The following SPEF2 variants were observed in gnomAD, a reference collection of about 807,000 sequenced individuals.
SPEF2 encodes the protein sperm flagellar and cilia associated 2.
In SPEF2, 187 loss-of-function variants were observed where a neutral mutation model predicts 224.6. That is an observed-to-expected ratio of 0.83 (90% confidence interval 0.74 to 0.94). SPEF2 has a LOEUF of 0.94. SPEF2 is among the 40% of genes least tolerant of loss of function. SPEF2 has a pLI of 0.00. For synonymous variants in SPEF2, 715 were observed against 707.3 expected (o/e 1.01, Z -0.17); for missense variants, 2,170 against 2,135.6 (o/e 1.02, Z -0.32).
chr5:35,681,588 T>A (rs867006115), intron 10 of SPEF2, among the ~76,000 whole-genome samples: 1 of 152,204 alleles, frequency 6.6e-6, no homozygotes, highest in African/African-American at 2.4e-5. Flanking sequence ...GAAATTAATT[T>A]AGGTCACAAC....
At chr5:35,789,756 GA>G in intron 30 of SPEF2, 1 of 699,038 alleles carries the variant, frequency 1.4e-6, no homozygotes, top group Non-Finnish European at 2.6e-6. Flanking sequence ...TGGTCTGTGT[GA>G]GTTTCTTTTA....
chr5:35,723,766 C>G (rs1580454475), intron 20 of SPEF2, among the ~76,000 whole-genome samples: 1 of 152,146 alleles, frequency 6.6e-6, no homozygotes, highest in African/African-American at 2.4e-5. Flanking sequence ...TAAATTTTAA[C>G]AGGATTAATT....
At chr5:35,641,372 T>G (rs1056362016) in intron 2 of SPEF2, 59 bp from the exon 3 acceptor site, 3 of 1,514,918 alleles carry the variant, frequency 2.0e-6, no homozygotes, top group Non-Finnish European at 2.7e-6. Flanking sequence ...GTCTGATATT[T>G]GTTGTTTGTC....
chr5:35,726,878 G>A (rs1312883226), intron 20 of SPEF2, among the ~76,000 whole-genome samples: 1 of 152,168 alleles, frequency 6.6e-6, no homozygotes, highest in East Asian at 1.9e-4. Context: ...CCACTTAACA[G>A]ATCTAGATTC....
intron 23 of SPEF2, among the ~76,000 whole-genome samples, chr5:35,741,329 T>G (rs10069609): frequency 4.3e-4 from 66 of 152,164 alleles, no homozygotes; most frequent in South Asian, 1.2e-3. Context: ...ACAACAGAAG[T>G]GATTGGGTAA....
At position 35,814,521 on chromosome 5, in the gene SPEF2, T is replaced by C; in HGVS notation, c.5437T>C (p.Ser1813Pro). ...TGTACAAGGAAGTGATGGAGAGAGATCACCTTCAAGACATACAGAGGAAAA... is the reference window on the plus strand; with the variant it reads ...TGTACAAGGAAGTGATGGAGAGAGACCACCTTCAAGACATACAGAGGAAAA... ...EHVQGSDGERSPSRHTEEKK is the reference protein window; with the variant it reads ...EHVQGSDGERPPSRHTEEKK Residue 1813 changes from serine to proline, a missense_variant, in exon 37 of 37, where the codon TCA (serine) becomes CCA (proline). Coordinates refer to ENST00000356031, the MANE Select transcript of SPEF2 (RefSeq NM_024867.4). 1.2e-6 allele frequency: 2 copies of C among 1,608,954 alleles called. No homozygotes were observed. Among genetic ancestry groups the C allele is most frequent in the South Asian group, 2.2e-5 (2 of 90,286 alleles).
At chr5:35,757,304 G>A (rs6451214) in intron 24 of SPEF2, among the ~76,000 whole-genome samples, 136,124 of 152,000 alleles carry the variant, frequency 0.9, 61,339 homozygotes, top group South Asian at 0.99. Context: ...TCACTATAAT[G>A]AGGTAAGCCT....
At position 35,641,580 on chromosome 5, in the gene SPEF2, T is replaced by C. The variant is rs2149401848; in HGVS notation, c.311T>C (p.Leu104Pro). The change falls in exon 3 of 37, where the codon CTT becomes CCT. Residue 104 changes from leucine (L) to proline (P), a missense_variant. Leu to Pro is a moderately conservative substitution (Grantham distance 98, BLOSUM62 -3). Transcript: ENST00000356031. ...CTGTTATATCAATTGTACATTGCTC[T>C]TCAGAAAAAGAAGAAAAGTGGACTG... is the stretch of plus-strand genomic sequence containing the variant. ...TKLLYQLYIA[L>P]QKKKKSGLTG... 1 of 1,613,708 alleles carries C rather than the reference T, an allele frequency of 6.2e-7. No homozygotes were observed. The highest frequency in any genetic ancestry group is 8.5e-7 in the Non-Finnish European group (1 of 1,179,774).
chr5:35,761,707 C>T (rs1007882274), intron 25 of SPEF2, among the ~76,000 whole-genome samples: 1 of 152,048 alleles, frequency 6.6e-6, no homozygotes, highest in East Asian at 1.9e-4. Flanking sequence ...AATCCAAAGG[C>T]GGTATAAACC....
chr5:35,786,087 C>A (rs1755075785), intron 30 of SPEF2, among the ~76,000 whole-genome samples: 1 of 152,068 alleles, frequency 6.6e-6, no homozygotes, highest in Non-Finnish European at 1.5e-5. Context: ...GAATGTGTAC[C>A]CTCTGTCTCT....
chr5:35,704,102 C>T (rs1008476734), intron 16 of SPEF2, among the ~76,000 whole-genome samples: 1 of 152,040 alleles, frequency 6.6e-6, no homozygotes, highest in Admixed American at 6.6e-5. Context: ...GTCTATTCTA[C>T]AGGGAGATCA....
chr5:35,695,400 G>A (rs1352940817), intron 13 of SPEF2, among the ~76,000 whole-genome samples: 2 of 150,688 alleles, frequency 1.3e-5, no homozygotes, highest in Non-Finnish European at 3.0e-5. Context: ...ACATTTTTTT[G>A]AAAAACTTGA....
chr5:35,748,077 T>C (rs776785788), intron 23 of SPEF2, among the ~76,000 whole-genome samples: 1 of 152,174 alleles, frequency 6.6e-6, no homozygotes, highest in Non-Finnish European at 1.5e-5. Flanking sequence ...AACCTGCTCC[T>C]GAATAAGCAT....
intron 1 of SPEF2, among the ~76,000 whole-genome samples, chr5:35,621,648 G>C (rs1743526146): frequency 6.6e-6 from 1 of 152,146 alleles, no homozygotes; most frequent in African/African-American, 2.4e-5. Context: ...TTCCTAGATG[G>C]TTAAGTGGCA....
At chr5:35,732,009 A>T (rs1194390364) in intron 21 of SPEF2, among the ~76,000 whole-genome samples, 1 of 152,226 alleles carries the variant, frequency 6.6e-6, no homozygotes, top group Non-Finnish European at 1.5e-5. Flanking sequence ...ATACAGACCA[A>T]TAATTTATAC....
chr5:35,705,295 A>T (rs1739525377), intron 17 of SPEF2, among the ~76,000 whole-genome samples: 1 of 152,024 alleles, frequency 6.6e-6, no homozygotes, highest in African/African-American at 2.4e-5. Context: ...CTGAGAAAAA[A>T]ATAGATGGCC....
chr5:35,764,878 G>A (rs1751883744), intron 26 of SPEF2: 1 of 364,788 alleles, frequency 2.7e-6, no homozygotes, highest in Non-Finnish European at 5.3e-6. Context: ...TCCTCTCATT[G>A]TTTCTGCTTC....
intron 1 of SPEF2, among the ~76,000 whole-genome samples, chr5:35,624,134 C>G (rs1162774492): frequency 6.6e-6 from 1 of 152,176 alleles, no homozygotes; most frequent in African/African-American, 2.4e-5. Flanking sequence ...TGGAAAGGCA[C>G]ATAGATCATT....
intron 8 of SPEF2, among the ~76,000 whole-genome samples, chr5:35,665,638 A>AT (rs372441774): frequency 0.035 from 5,218 of 150,110 alleles, 315 homozygotes; most frequent in African/African-American, 0.12. Flanking sequence ...CTCATGATCC[A>AT]TTTTTTTTTG....
Sources: allele counts gnomAD v4.1 joint callset (sites outside exome capture counted in the v4.1 genomes callset), GRCh38; gene constraint gnomAD v4.1.1; transcripts MANE v1.5; gene names NCBI Gene and HGNC (gene_info 2026-07-23, HGNC 2026-07-21).